HOMER3: variants seen among roughly 807,000 people sequenced by gnomAD.
HOMER3 encodes homer protein homolog 3.
Under a neutral mutation model 45.5 loss-of-function variants are expected in HOMER3, and 34 were observed. The observed-to-expected ratio is 0.75, with a 90% confidence interval of 0.57 to 1.00. The LOEUF (loss-of-function observed/expected upper bound fraction) is 1.00. Ranked by LOEUF, HOMER3 falls within the 50% of genes least tolerant of loss-of-function variation. The pLI is 0.00. For synonymous variants in HOMER3, 223 were observed against 208.8 expected (o/e 1.07, Z -0.58); for missense variants, 480 against 497.5 (o/e 0.96, Z 0.33).
Position 18,932,939 on chromosome 19 carries a change from T to C in HOMER3, c.518A>G (p.Lys173Arg). 8.5e-7 allele frequency: 1 copy of C among 1,181,198 alleles called. No homozygotes were observed. Among genetic ancestry groups the C allele is most frequent in the Non-Finnish European group, 1.1e-6 (1 of 930,770 alleles). 73.2% of individuals were successfully genotyped at this position (1,181,198 alleles called of 1,614,324 possible). ...PGPTERERLK[K>R]MLSEGSVGEV... ...CGCCCCTCACCCCTCAGACAACATCTTCTTTAGCCGCTCGCGCTCTGTGGG... is the reference window on the plus strand; with the variant it reads ...CGCCCCTCACCCCTCAGACAACATCCTCTTTAGCCGCTCGCGCTCTGTGGG... Residue 173 changes from lysine to arginine, a missense_variant, in exon 6 of 10, where the codon AAG (lysine) becomes AGG (arginine). By Grantham distance (26) the Lys-to-Arg change is conservative (BLOSUM62 2). Coordinates refer to ENST00000392351, the MANE Select transcript of HOMER3 (RefSeq NM_004838.4).
rs1225322048 is a variant in HOMER3, at chr19:18,931,567, C to T, written c.749G>A (p.Gly250Glu). ...TTCCAGCGACTGGCCCTGGCCCAGC[C>T]CCTCCTTCTCACCGGTGGGGGTCAC... ...SEVTPTGEKE[G>E]LGQGQSLEQL... The change falls in exon 8 of 10, where the codon GGG becomes GAG. Residue 250 changes from glycine to glutamate, a missense_variant. Coordinates refer to ENST00000392351, the MANE Select transcript of HOMER3 (RefSeq NM_004838.4). 1 of 1,613,428 alleles carries T rather than the reference C, an allele frequency of 6.2e-7. No individual in the cohort carries two copies. The highest frequency in any genetic ancestry group is 8.5e-7 in the Non-Finnish European group (1 of 1,179,980).
At chr19:18,932,807 G>C (rs2057051533) in intron 6 of HOMER3, 117 bp downstream of exon 6, 1 of 789,234 alleles carries the variant, frequency 1.3e-6, no homozygotes, top group African/African-American at 1.8e-5. Context: ...CCTTCCCCAG[G>C]TCTTGAGTCC....
At chr19:18,933,171 GATCC>G (rs2057057166) in intron 5 of HOMER3, 126 bp from the exon 6 acceptor site, 6 of 1,227,620 alleles carry the variant, frequency 4.9e-6, no homozygotes, top group East Asian at 2.9e-5. Flanking sequence ...CACAGCACAG[GATCC>G]AAGTGTGTCC....
chr19:18,932,998 T>C lies in HOMER3; in HGVS notation c.459A>G (p.Lys153=). Residue 153 remains lysine, a synonymous_variant, in exon 6 of 10, where the codon AAA becomes AAG. Transcript: ENST00000392351. ...LVSANGPGEE[K]LFRSQSADAP... is the part of the protein sequence containing the mutation. ...CATCAGCGCTCTGGCTGCGGAACAG[T>C]TTTTCCTCGCCGGGGCCGTTGGCAC... The C allele has an allele frequency of 1.8e-5, 27 of 1,475,024 alleles. No individual in the cohort carries two copies. The highest frequency in any genetic ancestry group is 2.4e-5 in the Non-Finnish European group (27 of 1,116,820). The allele number at this position is 1,475,024 out of a possible 1,614,324, so 91.4% of individuals were successfully genotyped here. A position where few individuals can be genotyped will look rare whatever the true frequency, so the allele number is the denominator to read the frequency against.
rs1463738525 is a variant in HOMER3, at chr19:18,929,556, G to A, written c.973C>T (p.Arg325Trp). 23 of 1,552,112 alleles carry A rather than the reference G, an allele frequency of 1.5e-5. No individual in the cohort carries two copies. Among genetic ancestry groups the A allele is most frequent in the Non-Finnish European group, 2.0e-5 (23 of 1,150,026 alleles). ...ERSLEEARAE[R>W]ERARAEVGRA... is the part of the protein sequence containing the mutation. ...CCCACCTCAGCCCGCGCCCGCTCCC[G>A]CTCTGCCCGTGCCTCCTCCAGGCTG... The change falls in exon 10 of 10, where the codon CGG (arginine) becomes TGG (tryptophan). Residue 325 changes from arginine (R) to tryptophan (W), a missense_variant. Arg to Trp is a moderately radical substitution (Grantham distance 101, BLOSUM62 -3). Transcript: ENST00000392351.
At chr19:18,937,139 T>TA (rs1188775248) in intron 4 of HOMER3, among the ~76,000 whole-genome samples, 7 of 150,336 alleles carry the variant, frequency 4.7e-5, no homozygotes, top group South Asian at 2.1e-4. Flanking sequence ...ATCCTATCTC[T>TA]AAAAAAAATA....
chr19:18,939,163 A>ATG (rs1385637285), intron 1 of HOMER3, 114 bp from the exon 2 acceptor site: 4 of 604,874 alleles, frequency 6.6e-6, no homozygotes, highest in Non-Finnish European at 1.1e-5. Flanking sequence ...TTCAATCAAA[A>ATG]AGGCAGGAGA....
rs1488424637 is a variant in HOMER3 at position 18,934,453 on chromosome 19, C to T, written c.304-43G>A. 3.9e-6 allele frequency: 5 copies of T among 1,285,388 alleles called. No homozygotes were observed. In the East Asian group the frequency reaches 1.1e-4, roughly 29 times the overall value. The allele number at this position is 1,285,388 out of a possible 1,614,324, so 79.6% of individuals were successfully genotyped here. ...AAAAGACAGTAAAACCCCAGCCCAT[C>T]CTCCCAAACAGGTCACCATCACTCA... On this transcript the variant is annotated intron_variant, in intron 4 of 9. Transcript: ENST00000392351.
chr19:18,938,608 A>T (rs2057119882), intron 3 of HOMER3, 120 bp downstream of exon 3: 7 of 1,498,330 alleles, frequency 4.7e-6, no homozygotes, highest in East Asian at 2.3e-5. Context: ...GGAGATAGAG[A>T]CTAGGGCCTG....
chr19:18,932,986 G>C lies in HOMER3; in HGVS notation c.471C>G (p.Ser157Arg), dbSNP rs750322798. The C allele has an allele frequency of 3.4e-6, 5 of 1,469,908 alleles. No homozygotes were observed. The highest frequency in any genetic ancestry group is 9.0e-7 in the Non-Finnish European group (1 of 1,112,964). 91.1% of individuals were successfully genotyped at this position (1,469,908 alleles called of 1,614,324 possible). A position where few individuals can be genotyped will look rare whatever the true frequency, so the allele number is the denominator to read the frequency against. The change falls in exon 6 of 10, where the codon AGC becomes AGG. Residue 157 changes from serine to arginine, a missense_variant. Physicochemically the swap from Ser to Arg is moderately radical, Grantham distance 110. Coordinates refer to ENST00000392351, the MANE Select transcript of HOMER3 (RefSeq NM_004838.4). ...TGGGGCCGGGGGCATCAGCGCTCTGGCTGCGGAACAGTTTTTCCTCGCCGG... is the reference window on the plus strand; with the variant it reads ...TGGGGCCGGGGGCATCAGCGCTCTGCCTGCGGAACAGTTTTTCCTCGCCGG... ...NGPGEEKLFR[S>R]QSADAPGPTE... is the part of the protein sequence containing the mutation.
Position 18,929,475 on chromosome 19 carries a change from C to T in HOMER3, c.1054G>A (p.Gly352Ser). The change falls in exon 10 of 10, where the codon GGC (glycine) becomes AGC (serine). Residue 352 changes from glycine to serine, a missense_variant. Physicochemically the swap from Gly to Ser is moderately conservative, Grantham distance 56. Transcript: ENST00000392351. Reference sequence around the variant, plus strand: ...GCAGCCTCAGCCAGGCGGGCCAGGCCCTCACGCAGCTCACTCAGCTCAAAC... The same window carrying T: ...GCAGCCTCAGCCAGGCGGGCCAGGCTCTCACGCAGCTCACTCAGCTCAAAC... The part of the protein sequence containing the change: ...SLFELSELRE[G>S]LARLAEAAP The T allele has an allele frequency of 6.2e-7, 1 of 1,600,082 alleles. No individual in the cohort carries two copies. The highest frequency in any genetic ancestry group is 8.5e-7 in the Non-Finnish European group (1 of 1,176,018).
At position 18,929,334 on chromosome 19, in the gene HOMER3, C is replaced by T. The variant is rs2057002588; in HGVS notation, c.*109G>A. 1 of 1,308,798 alleles carries T rather than the reference C, an allele frequency of 7.6e-7. No homozygotes were observed. Among genetic ancestry groups the T allele is most frequent in the Non-Finnish European group, 1.1e-6 (1 of 916,258 alleles). 81.1% of individuals were successfully genotyped at this position (1,308,798 alleles called of 1,614,324 possible). A position where few individuals can be genotyped will look rare whatever the true frequency, so the allele number is the denominator to read the frequency against. ...CCAGCCCGGCCCGGCCCACCCAGGG[C>T]TAAGTTGGGACCCCCCAGTCCCTTT... is the stretch of plus-strand genomic sequence containing the variant. On this transcript the variant is annotated 3_prime_UTR_variant, in exon 10 of 10. Coordinates refer to ENST00000392351, the MANE Select transcript of HOMER3 (RefSeq NM_004838.4).
In HOMER3 at chr19:18,929,463, G is replaced by C; in HGVS notation, c.1066C>G (p.Leu356Val). 5.6e-6 allele frequency: 9 copies of C among 1,596,264 alleles called. No individual in the cohort carries two copies. Among genetic ancestry groups the C allele is most frequent in the East Asian group, 2.2e-5 (1 of 44,598 alleles). The change falls in exon 10 of 10, where the codon CTG becomes GTG. Residue 356 changes from leucine (L) to valine (V), a missense_variant. Leu to Val is a conservative substitution (Grantham distance 32). Transcript: ENST00000392351. ...CCGGCTCAGGGCGCAGCCTCAGCCA[G>C]GCGGGCCAGGCCCTCACGCAGCTCA... ...LSELREGLAR[L>V]AEAAP
At chr19:18,932,873 T>TCCCCCCCCCCAAACCCCCCCCCC in intron 6 of HOMER3, 51 bp downstream of exon 6, 1 of 877,174 alleles carries the variant, frequency 1.1e-6, no homozygotes, top group Non-Finnish European at 1.6e-6. Flanking sequence ...CGCCTCCTCG[T>TCCCCCCCCCCAAACCCCCCCCCC]CCCCCACCCC....
intron 9 of HOMER3, 68 bp from the exon 10 acceptor site, chr19:18,929,702 G>A (rs867976962): frequency 7.6e-7 from 1 of 1,318,312 alleles, no homozygotes; most frequent in South Asian, 1.5e-5. Context: ...GGCATCCAGA[G>A]TCTGACCACC....
At position 18,931,581 on chromosome 19, in the gene HOMER3, G is replaced by C; in HGVS notation, c.735C>G (p.Thr245=). 1.2e-6 allele frequency: 2 copies of C among 1,613,096 alleles called. No individual in the cohort carries two copies. The highest frequency in any genetic ancestry group is 1.7e-6 in the Non-Finnish European group (2 of 1,179,966). The change falls in exon 8 of 10, where the codon ACC becomes ACG. Residue 245 remains threonine (T), a synonymous_variant. Coordinates refer to ENST00000392351, the MANE Select transcript of HOMER3 (RefSeq NM_004838.4). ...EAQAASEVTP[T]GEKEGLGQGQ... The stretch of plus-strand genomic sequence containing the variant: ...CCTGGCCCAGCCCCTCCTTCTCACC[G>C]GTGGGGGTCACCTCTGAAGCTGCCT...
intron 9 of HOMER3, 31 bp from the exon 10 acceptor site, chr19:18,929,665 C>G (rs1255477068): frequency 6.8e-7 from 1 of 1,466,806 alleles, no homozygotes; most frequent in East Asian, 2.5e-5. Flanking sequence ...GGGTTGGGGG[C>G]CCCAACAAAT....
chr19:18,934,009 CTT>C (rs902713446), intron 5 of HOMER3, among the ~76,000 whole-genome samples: 5 of 152,122 alleles, frequency 3.3e-5, no homozygotes, highest in African/African-American at 9.7e-5. Context: ...CCCGGCCACA[CTT>C]AGCCATTTCA....
chr19:18,940,925 T>C (rs937334787), intron 1 of HOMER3, 126 bp downstream of exon 1: 1 of 152,062 alleles, frequency 6.6e-6, no homozygotes. Context: ...CCCTGGAACT[T>C]GGGGACCCCT....
Sources: allele counts gnomAD v4.1 joint callset (sites outside exome capture counted in the v4.1 genomes callset), GRCh38; gene constraint gnomAD v4.1.1; transcripts MANE v1.5; gene names NCBI Gene and HGNC (gene_info 2026-07-23, HGNC 2026-07-21).